The following MTRF1 variants were observed in gnomAD, a reference collection of about 807,000 sequenced individuals.
MTRF1 encodes the protein peptide chain release factor 1, mitochondrial.
Under a neutral mutation model 62.9 loss-of-function variants are expected in MTRF1, and 51 were observed. That is an observed-to-expected ratio of 0.81 (90% CI 0.65 to 1.02). The LOEUF (loss-of-function observed/expected upper bound fraction) is 1.02, where lower values mean the gene tolerates loss of function less well. MTRF1 is among the 50% of genes least tolerant of loss of function. MTRF1 has a pLI of 0.00. For missense variants in MTRF1, 446 were observed against 530.0 expected, an observed-to-expected ratio of 0.84 and a Z score of 1.56; for synonymous variants, 158 against 181.9, an observed-to-expected ratio of 0.87 and a Z score of 1.06.
At chr13:41,228,682 C>T (rs147212251) in intron 7 of MTRF1, among the ~76,000 whole-genome samples, 2 of 152,302 alleles carry the variant, frequency 1.3e-5, no homozygotes, top group Middle Eastern at 3.4e-3. Context: ...TTGTCTTCAT[C>T]CTTATCTTGG....
the MTRF1 span, among the ~76,000 whole-genome samples, chr13:41,289,667 C>T: frequency 3.2e-3 from 486 of 152,266 alleles, 4 homozygotes; most frequent in East Asian, 0.026. Flanking sequence ...GGTCTGCTGC[C>T]GATCTGATCC....
chr13:41,220,323 G>A (rs1383789139), intron 9 of MTRF1, among the ~76,000 whole-genome samples: 1 of 93,318 alleles, frequency 1.1e-5, no homozygotes, highest in Admixed American at 1.1e-4. Flanking sequence ...AATCTGTCTC[G>A]GAAAAAAAAA....
the MTRF1 span, among the ~76,000 whole-genome samples, chr13:41,300,013 G>A: frequency 6.6e-6 from 1 of 152,194 alleles, no homozygotes; most frequent in African/African-American, 2.4e-5. Flanking sequence ...CTTGAGAGGA[G>A]CCTTTCCAGA....
Position 41,260,883 on chromosome 13 carries a change from G to A in MTRF1, c.25C>T (p.Leu9Phe), listed in dbSNP as rs774023602. Reference sequence around the variant, plus strand: ...CCATTAAGAGATGGATGTCTAAAAAGCCAAACACACAGGTGACGATTCATC... The same window carrying A: ...CCATTAAGAGATGGATGTCTAAAAAACCAAACACACAGGTGACGATTCATC... The part of the protein sequence containing the change: MNRHLCVW[L>F]FRHPSLNGYL... The change falls in exon 2 of 10, where the codon CTT becomes TTT. Residue 9 changes from leucine (L) to phenylalanine (F), a missense_variant. Physicochemically the swap from Leu to Phe is conservative, Grantham distance 22. Coordinates refer to ENST00000379480, the MANE Select transcript of MTRF1 (RefSeq NM_004294.4). 1.9e-6 allele frequency: 3 copies of A among 1,608,478 alleles called. No homozygotes were observed. Among genetic ancestry groups the A allele is most frequent in the African/African-American group, 2.7e-5 (2 of 74,738 alleles).
the MTRF1 span, among the ~76,000 whole-genome samples, chr13:41,285,031 C>G: frequency 6.6e-6 from 1 of 152,174 alleles, no homozygotes; most frequent in Non-Finnish European, 1.5e-5. Flanking sequence ...AGTAAATAAT[C>G]TTATTGTGAG....
At chr13:41,298,475 C>T in the MTRF1 span, among the ~76,000 whole-genome samples, 6 of 12,204 alleles carry the variant, frequency 4.9e-4, no homozygotes, top group South Asian at 0.01. Context: ...AACTACTTTT[C>T]GAAAACGAAG....
intron 4 of MTRF1, 60 bp from the exon 5 acceptor site, chr13:41,252,812 C>A: frequency 6.9e-7 from 1 of 1,458,606 alleles, no homozygotes; most frequent in Non-Finnish European, 9.6e-7. Context: ...ACCCTTAAGA[C>A]TAAGTCCTTT....
chr13:41,299,398 T>A, the MTRF1 span, among the ~76,000 whole-genome samples: 1 of 152,198 alleles, frequency 6.6e-6, no homozygotes, highest in Non-Finnish European at 1.5e-5. Flanking sequence ...CGGCTTTTAC[T>A]AATGGATCAG....
At chr13:41,234,327 A>C (rs2138856910) in intron 6 of MTRF1, among the ~76,000 whole-genome samples, 1 of 152,260 alleles carries the variant, frequency 6.6e-6, no homozygotes, top group Non-Finnish European at 1.5e-5. Context: ...ACTGGTGCGC[A>C]CTACCGTGCC....
chr13:41,268,888 A>G, the MTRF1 span, among the ~76,000 whole-genome samples: 1 of 151,960 alleles, frequency 6.6e-6, no homozygotes, highest in Non-Finnish European at 1.5e-5. Context: ...GACCATTATA[A>G]TTTCTCATTA....
chr13:41,296,561 C>T, the MTRF1 span, among the ~76,000 whole-genome samples: 20 of 152,130 alleles, frequency 1.3e-4, 1 homozygote, highest in African/African-American at 2.2e-4. Flanking sequence ...GTAAATTGTA[C>T]GGTAGGCATT....
At chr13:41,220,950 A>G (rs1408044429) in intron 9 of MTRF1, among the ~76,000 whole-genome samples, 1 of 152,156 alleles carries the variant, frequency 6.6e-6, no homozygotes, top group Non-Finnish European at 1.5e-5. Context: ...CGATCATGTA[A>G]GAATGCAGCA....
chr13:41,265,956 TCTC>T (rs1474412125), upstream of MTRF1, among the ~76,000 whole-genome samples: 1 of 152,046 alleles, frequency 6.6e-6, no homozygotes, highest in Admixed American at 6.6e-5. Context: ...TTCAAGCAAT[TCTC>T]CTGCCTCATC....
chr13:41,311,409 C>A, the MTRF1 span: 1 of 945,742 alleles, frequency 1.1e-6, no homozygotes, highest in Non-Finnish European at 1.6e-6. Flanking sequence ...GACCAATGAA[C>A]TAATCCATCG....
intron 5 of MTRF1, among the ~76,000 whole-genome samples, chr13:41,246,954 A>ATG (rs1174138360): frequency 6.6e-6 from 1 of 152,158 alleles, no homozygotes; most frequent in African/African-American, 2.4e-5. Context: ...TGGTTTCCTT[A>ATG]TGTGTAAATA....
At chr13:41,240,552 G>A (rs1217229714) in intron 5 of MTRF1, 119 bp from the exon 6 acceptor site, 2 of 849,852 alleles carry the variant, frequency 2.4e-6, no homozygotes, top group Non-Finnish European at 1.6e-6. Context: ...AGAACATAAA[G>A]CATGGGAGAA....
At chr13:41,259,711 A>ACAAAAACAAAAACAAAAAAAAAC (rs1294161440) in intron 2 of MTRF1, among the ~76,000 whole-genome samples, 2 of 149,438 alleles carry the variant, frequency 1.3e-5, no homozygotes, top group African/African-American at 4.9e-5. Context: ...CAAAAAAAAA[A>ACAAAAACAAAAACAAAAAAAAAC]AAAAAAAAAA....
At chr13:41,273,010 C>G in the MTRF1 span, among the ~76,000 whole-genome samples, 8 of 151,994 alleles carry the variant, frequency 5.3e-5, no homozygotes, top group Non-Finnish European at 1.2e-4. Context: ...TACCAAGCAC[C>G]AACAGGAAAT....
At chr13:41,225,353 T>G (rs911154114) in intron 8 of MTRF1, among the ~76,000 whole-genome samples, 1 of 152,134 alleles carries the variant, frequency 6.6e-6, no homozygotes, top group African/African-American at 2.4e-5. Context: ...AGTGATGGTG[T>G]GTACCCAGGG....
Sources: gnomAD v4.1 joint callset for allele counts (sites outside exome capture counted in the v4.1 genomes callset) on GRCh38, gnomAD v4.1.1 for gene constraint, MANE v1.5 for transcripts, NCBI Gene and HGNC (gene_info 2026-07-23, HGNC 2026-07-21) for gene names.